The following TNKS variants were observed in gnomAD, a reference collection of about 807,000 sequenced individuals.
TNKS encodes the protein poly [ADP-ribose] polymerase tankyrase-1.
TNKS carries 72 observed loss-of-function variants against 135.8 expected under a neutral mutation model. The observed-to-expected ratio is 0.53, with a 90% CI of 0.44 to 0.64. TNKS has a LOEUF of 0.64. Ranked by LOEUF, TNKS falls within the 30% of genes least tolerant of loss-of-function variation. The pLI is 0.00. For missense variants in TNKS, 1,769 were observed against 1,674.0 expected (o/e 1.06, Z -0.99); for synonymous variants, 849 against 649.3 (o/e 1.31, Z -4.68).
rs1417920954 is a variant in TNKS at position 9,706,858 on chromosome 8, G to A, written c.1317G>A (p.Leu439=). The A allele has an allele frequency of 1.2e-6, 2 of 1,613,906 alleles. No homozygotes were observed. The highest frequency in any genetic ancestry group is 1.7e-6 in the Non-Finnish European group (2 of 1,179,928). The change falls in exon 8 of 27, where the codon CTG becomes CTA. Residue 439 remains leucine, a synonymous_variant. Transcript: ENST00000310430. ...NAMDLWQFTP[L]HEAASKNRVE... ...TGGATCTCTGGCAGTTTACTCCACT[G>A]CACGAGGCTGCTTCCAAGAACCGTG...
rs532712011 is a variant in TNKS, at chr8:9,637,598, G to A, written c.994+21921G>A. Reference sequence around the variant, plus strand: ...TGAAGAAGTTATTAGAATGCCAGTGGCAATGACAGACAGCAATGGGACAGT... The same window carrying A: ...TGAAGAAGTTATTAGAATGCCAGTGACAATGACAGACAGCAATGGGACAGT... On this transcript the variant is annotated intron_variant, in intron 3 of 26. Coordinates refer to ENST00000310430, the MANE Select transcript of TNKS (RefSeq NM_003747.3). Among the ~76,000 whole-genome samples, 14 of 152,242 alleles carry A rather than the reference G, an allele frequency of 9.2e-5. No individual in the cohort carries two copies. In the East Asian group the frequency reaches 2.3e-3, roughly 25 times the overall value.
intron 11 of TNKS, 69 bp from the exon 12 acceptor site, chr8:9,720,305 A>T (rs963416802): frequency 1.5e-6 from 2 of 1,345,690 alleles, no homozygotes; most frequent in East Asian, 5.2e-5. Flanking sequence ...ATAAGAATGT[A>T]TTTTCTAAGG....
At chr8:9,678,780 A>G (rs565066637) in intron 3 of TNKS, among the ~76,000 whole-genome samples, 36 of 152,344 alleles carry the variant, frequency 2.4e-4, no homozygotes, top group African/African-American at 8.4e-4. Context: ...AAGATTTTTT[A>G]AAAGTTACTT....
rs191327521 is a variant in TNKS, at chr8:9,747,479, A to C, written c.2644-545A>C. Among the ~76,000 whole-genome samples, 239 of 152,334 alleles carry C rather than the reference A, an allele frequency of 1.6e-3. 1 individual carries two copies. Among genetic ancestry groups the C allele is most frequent in the East Asian group, 7.3e-3 (38 of 5,182 alleles). ...TTTCCTCCACCCGGCAATCATTTAG[A>C]CATAACAGACCAATTTTCATAAAAT... On this transcript the variant is annotated intron_variant, in intron 17 of 26. Coordinates refer to ENST00000310430, the MANE Select transcript of TNKS (RefSeq NM_003747.3).
intron 5 of TNKS, among the ~76,000 whole-genome samples, chr8:9,690,569 G>A (rs183926032): frequency 2.4e-3 from 362 of 152,260 alleles, no homozygotes; most frequent in Non-Finnish European, 2.9e-3. Flanking sequence ...AGACCAGCCT[G>A]GCCAACATGG....
chr8:9,765,662 A>T, intron 23 of TNKS, 30 bp from the exon 24 acceptor site: 1 of 1,563,926 alleles, frequency 6.4e-7, no homozygotes, highest in Non-Finnish European at 8.8e-7. Flanking sequence ...CGTTTCACCG[A>T]TAATGTTTCT....
intron 5 of TNKS, among the ~76,000 whole-genome samples, chr8:9,683,251 A>T (rs1017415533): frequency 6.6e-6 from 1 of 151,892 alleles, no homozygotes; most frequent in African/African-American, 2.4e-5. Context: ...GTTTGTTTTT[A>T]TTTTCTTCCT....
intron 3 of TNKS, among the ~76,000 whole-genome samples, chr8:9,621,353 G>A (rs1347491225): frequency 6.7e-6 from 1 of 148,960 alleles, no homozygotes; most frequent in African/African-American, 2.5e-5. Flanking sequence ...TGCCCAGGCT[G>A]GAGTACAATG....
intron 15 of TNKS, among the ~76,000 whole-genome samples, chr8:9,733,977 A>T (rs571305034): frequency 6.6e-6 from 1 of 152,072 alleles, no homozygotes; most frequent in Non-Finnish European, 1.5e-5. Context: ...ACTATAATTT[A>T]TGCTCACTTA....
At chr8:9,561,435 T>C (rs1797327976) in intron 1 of TNKS, among the ~76,000 whole-genome samples, 1 of 152,244 alleles carries the variant, frequency 6.6e-6, no homozygotes, top group African/African-American at 2.4e-5. Flanking sequence ...GAATAAGAGT[T>C]GCCTGTTTTA....
chr8:9,743,747 A>G (rs553773812), intron 17 of TNKS, among the ~76,000 whole-genome samples: 3 of 152,158 alleles, frequency 2.0e-5, no homozygotes, highest in Non-Finnish European at 2.9e-5. Flanking sequence ...ATCCATATCT[A>G]TAGATGTATA....
At chr8:9,559,187 C>T (rs1331920408) in intron 1 of TNKS, among the ~76,000 whole-genome samples, 2 of 152,044 alleles carry the variant, frequency 1.3e-5, no homozygotes, top group South Asian at 2.1e-4. Flanking sequence ...CAACAAAAAC[C>T]TATAAAGTAT....
chr8:9,717,657 C>T (rs191821658), intron 11 of TNKS, among the ~76,000 whole-genome samples: 2 of 152,176 alleles, frequency 1.3e-5, no homozygotes, highest in East Asian at 3.9e-4. Context: ...TCTGTTTATA[C>T]AAGGCATGGT....
At chr8:9,662,692 A>G (rs902234358) in intron 3 of TNKS, among the ~76,000 whole-genome samples, 6 of 152,224 alleles carry the variant, frequency 3.9e-5, no homozygotes, top group African/African-American at 1.4e-4. Context: ...ATATGTATAC[A>G]TATGTAACAA....
In TNKS at chr8:9,663,734, A is replaced by T. The variant is rs181745427; in HGVS notation, c.995-16217A>T. On this transcript the variant is annotated intron_variant, in intron 3 of 26. Transcript: ENST00000310430. ...CCACAGAACTCAGGAAGATATGTTT[A>T]CCAGTTTATTATAAAGGAATTACAA... is the stretch of plus-strand genomic sequence containing the variant. 1.8e-4 allele frequency among the ~76,000 whole-genome samples: 27 copies of T among 152,322 alleles called. No homozygotes were observed. In the East Asian group the frequency reaches 5.2e-3, roughly 29 times the overall value.
intron 26 of TNKS, among the ~76,000 whole-genome samples, chr8:9,772,126 A>G (rs1238729420): frequency 3.3e-5 from 5 of 149,602 alleles, no homozygotes. Context: ...GGAGGGAGGG[A>G]TGACATGGGA....
rs1216368545 is a variant in TNKS, at chr8:9,763,207, C to T, written c.3335C>T (p.Ala1112Val). 2 of 1,607,618 alleles carry T rather than the reference C, an allele frequency of 1.2e-6. No homozygotes were observed. The highest frequency in any genetic ancestry group is 1.7e-5 in the Admixed American group (1 of 59,744). The change falls in exon 22 of 27, where the codon GCT (alanine) becomes GTT (valine). Residue 1112 changes from alanine (A) to valine (V), a missense_variant. Physicochemically the swap from Ala to Val is moderately conservative, Grantham distance 64. Coordinates refer to ENST00000310430, the MANE Select transcript of TNKS (RefSeq NM_003747.3). ...CAGGGAACGATTTTGCTGGATCTTGCTCCAGAAGATAAAGAATATCAGTCA... is the reference window on the plus strand; with the variant it reads ...CAGGGAACGATTTTGCTGGATCTTGTTCCAGAAGATAAAGAATATCAGTCA... ...VNQGTILLDL[A>V]PEDKEYQSVE...
At chr8:9,584,557 T>C (rs1798296209) in intron 2 of TNKS, among the ~76,000 whole-genome samples, 2 of 152,222 alleles carry the variant, frequency 1.3e-5, no homozygotes, top group African/African-American at 2.4e-5. Flanking sequence ...CTAAGGTTGG[T>C]CCTCTACTCT....
Position 9,780,833 on chromosome 8 carries a change from T to C in TNKS, c.*4097T>C, listed in dbSNP as rs561851370. 6.6e-6 allele frequency: 1 copy of C among 152,312 alleles called. No individual in the cohort carries two copies. 9.4% of individuals were successfully genotyped at this position (152,312 alleles called of 1,614,324 possible). On this transcript the variant is annotated 3_prime_UTR_variant, in exon 27 of 27. Transcript: ENST00000310430. Reference sequence around the variant, plus strand: ...ATTCCCTTACATGCAATGGAGCTGATTAAAATTAATCCATTTCAATTTCTC... The same window carrying C: ...ATTCCCTTACATGCAATGGAGCTGACTAAAATTAATCCATTTCAATTTCTC...
Sources: allele counts gnomAD v4.1 joint callset (sites outside exome capture counted in the v4.1 genomes callset), GRCh38; gene constraint gnomAD v4.1.1; transcripts MANE v1.5; gene names NCBI Gene and HGNC (gene_info 2026-07-23, HGNC 2026-07-21).